Variants in PAK5 observed in about 807,000 individuals in gnomAD.
PAK5 encodes serine/threonine-protein kinase PAK 5.
Under a neutral mutation model 65.9 loss-of-function variants are expected in PAK5, and 16 were observed. The observed-to-expected ratio is 0.24, with a 90% confidence interval of 0.16 to 0.37. The LOEUF (loss-of-function observed/expected upper bound fraction) is 0.37, where lower values mean the gene tolerates loss of function less well. Ranked by LOEUF, PAK5 falls within the 10% of genes least tolerant of loss-of-function variation. PAK5 has a pLI of 1.00. For synonymous variants in PAK5, 371 were observed against 354.9 expected (o/e 1.05, Z -0.51); for missense variants, 785 against 903.9 (o/e 0.87, Z 1.69).
At chr20:9,679,040 C>T (rs2047614386) in intron 2 of PAK5, among the ~76,000 whole-genome samples, 1 of 152,132 alleles carries the variant, frequency 6.6e-6, no homozygotes, top group Non-Finnish European at 1.5e-5. Flanking sequence ...CTCTGCTACC[C>T]CTGAGACAGC....
intron 3 of PAK5, among the ~76,000 whole-genome samples, chr20:9,589,571 G>C (rs955406725): frequency 2.0e-5 from 3 of 152,190 alleles, no homozygotes; most frequent in Non-Finnish European, 2.9e-5. Context: ...ACATATTTCA[G>C]AGTGGAGGTA....
chr20:9,818,750 T>A (rs1165671549), intron 1 of PAK5: 1 of 152,172 alleles, frequency 6.6e-6, no homozygotes, highest in Non-Finnish European at 1.5e-5. Context: ...TAATTAGGCT[T>A]CTAAGTTTTC....
At chr20:9,825,398 C>T (rs1480063308) in intron 1 of PAK5, among the ~76,000 whole-genome samples, 1 of 152,130 alleles carries the variant, frequency 6.6e-6, no homozygotes, top group Non-Finnish European at 1.5e-5. Flanking sequence ...TTTTTCCAGC[C>T]ATTCTACAGA....
chr20:9,797,456 T>G (rs1418260458), intron 1 of PAK5, among the ~76,000 whole-genome samples: 3 of 130,798 alleles, frequency 2.3e-5, no homozygotes, highest in African/African-American at 8.9e-5. Context: ...TGAGGACACT[T>G]GGACACAGGA....
intron 1 of PAK5, among the ~76,000 whole-genome samples, chr20:9,820,619 T>G (rs1446304949): frequency 6.6e-6 from 1 of 152,202 alleles, no homozygotes; most frequent in Non-Finnish European, 1.5e-5. Context: ...CTAGATAAAA[T>G]TTAGCCTCTT....
chr20:9,571,860 A>C, intron 4 of PAK5, among the ~76,000 whole-genome samples: 2 of 104,294 alleles, frequency 1.9e-5, no homozygotes, highest in Admixed American at 1.3e-4. Context: ...ATTCACAGAG[A>C]TAGGCATGAA....
chr20:9,730,570 A>C (rs1453898101), intron 1 of PAK5, among the ~76,000 whole-genome samples: 1 of 152,200 alleles, frequency 6.6e-6, no homozygotes, highest in Admixed American at 6.5e-5. Flanking sequence ...ATGCACGCTT[A>C]CGAGTGTCTC....
At chr20:9,835,528 G>A (rs947494379) in intron 1 of PAK5, among the ~76,000 whole-genome samples, 5 of 152,086 alleles carry the variant, frequency 3.3e-5, no homozygotes, top group African/African-American at 4.8e-5. Context: ...TGTGTGGGTG[G>A]TATTTTATGT....
At chr20:9,656,635 GTTC>G (rs2047271857) in intron 2 of PAK5, among the ~76,000 whole-genome samples, 1 of 152,142 alleles carries the variant, frequency 6.6e-6, no homozygotes, top group Non-Finnish European at 1.5e-5. Context: ...TCAAACCTTT[GTTC>G]TTCTACTTAA....
chr20:9,771,373 C>T (rs760850882), intron 1 of PAK5, among the ~76,000 whole-genome samples: 5 of 151,804 alleles, frequency 3.3e-5, no homozygotes, highest in South Asian at 2.1e-4. Flanking sequence ...TCTACTATAG[C>T]GGAGTGTCAA....
intron 1 of PAK5, among the ~76,000 whole-genome samples, chr20:9,751,592 G>T (rs576158883): frequency 6.6e-6 from 1 of 152,226 alleles, no homozygotes; most frequent in African/African-American, 2.4e-5. Flanking sequence ...ATCTAGCAAA[G>T]ACCCCTTTCT....
chr20:9,762,993 CT>C (rs1301029899), intron 1 of PAK5, among the ~76,000 whole-genome samples: 9 of 152,172 alleles, frequency 5.9e-5, no homozygotes, highest in African/African-American at 2.2e-4. Flanking sequence ...GGACATTATG[CT>C]AAGTGAAATA....
chr20:9,804,515 C>T (rs1029736071), intron 1 of PAK5, among the ~76,000 whole-genome samples: 9 of 152,052 alleles, frequency 5.9e-5, no homozygotes, highest in African/African-American at 1.7e-4. Context: ...TATCCACATA[C>T]AAAAGAATAA....
chr20:9,832,287 AATGGTGACAGAGTATC>A (rs1978783253), intron 1 of PAK5, among the ~76,000 whole-genome samples: 1 of 151,922 alleles, frequency 6.6e-6, no homozygotes, highest in African/African-American at 2.4e-5. Context: ...TCTTTTTTTT[AATGGTGACAGAGTATC>A]ACTCTGTCAC....
At chr20:9,633,742 G>C (rs2046951464) in intron 3 of PAK5, among the ~76,000 whole-genome samples, 1 of 152,176 alleles carries the variant, frequency 6.6e-6, no homozygotes, top group Non-Finnish European at 1.5e-5. Context: ...CCCTGTGTGG[G>C]TTCTTCTCTA....
At chr20:9,613,641 T>C (rs554996895) in intron 3 of PAK5, among the ~76,000 whole-genome samples, 25 of 152,338 alleles carry the variant, frequency 1.6e-4, no homozygotes, top group Middle Eastern at 3.4e-3. Flanking sequence ...CTTCCCTCAA[T>C]AGAAATCACT....
chr20:9,603,175 A>G (rs897767381), intron 3 of PAK5, among the ~76,000 whole-genome samples: 5 of 152,236 alleles, frequency 3.3e-5, no homozygotes, highest in African/African-American at 1.2e-4. Context: ...ATGGCCTACA[A>G]GCTACCTGCC....
intron 3 of PAK5, among the ~76,000 whole-genome samples, chr20:9,642,302 T>A (rs533566033): frequency 3.9e-5 from 6 of 152,310 alleles, no homozygotes; most frequent in Non-Finnish European, 8.8e-5. Flanking sequence ...TTTCTCCACA[T>A]CCTCTCCAGC....
At chr20:9,583,488 T>C (rs1432574615) in intron 3 of PAK5, among the ~76,000 whole-genome samples, 1 of 152,246 alleles carries the variant, frequency 6.6e-6, no homozygotes, top group Non-Finnish European at 1.5e-5. Flanking sequence ...AAAGCACTGT[T>C]TCCAAAGTTC....
Sources: allele counts gnomAD v4.1 joint callset (sites outside exome capture counted in the v4.1 genomes callset), GRCh38; gene constraint gnomAD v4.1.1; transcripts MANE v1.5; gene names NCBI Gene and HGNC (gene_info 2026-07-23, HGNC 2026-07-21).